GRIN2A: variants seen among roughly 807,000 people sequenced by gnomAD.
GRIN2A encodes the protein glutamate ionotropic receptor NMDA type subunit 2A.
In GRIN2A, 22 loss-of-function variants were observed where a neutral mutation model predicts 113.4. The ratio of observed to expected loss-of-function variants is 0.19; its 90% CI spans 0.14 to 0.28. GRIN2A has a LOEUF of 0.28. GRIN2A is among the 10% of genes least tolerant of loss of function. GRIN2A has a pLI of 1.00. For missense variants in GRIN2A, 1,502 were observed against 1,887.0 expected, an observed-to-expected ratio of 0.80 and a Z score of 3.78; for synonymous variants, 827 against 738.4, an observed-to-expected ratio of 1.12 and a Z score of -1.94.
chr16:10,046,598 T>TGTCC (rs2047263860), intron 2 of GRIN2A, among the ~76,000 whole-genome samples: 2 of 151,224 alleles, frequency 1.3e-5, no homozygotes, highest in African/African-American at 2.4e-5. Context: ...TAGGATGGTT[T>TGTCC]AAAGAGCCCT....
At chr16:10,127,654 C>A (rs71379071) in intron 2 of GRIN2A, among the ~76,000 whole-genome samples, 6 of 152,108 alleles carry the variant, frequency 3.9e-5, no homozygotes, top group Admixed American at 3.9e-4. Flanking sequence ...GTATCCCTAG[C>A]AACTAGCACA....
At chr16:10,098,108 G>T (rs2048327539) in intron 2 of GRIN2A, among the ~76,000 whole-genome samples, 1 of 151,868 alleles carries the variant, frequency 6.6e-6, no homozygotes, top group African/African-American at 2.4e-5. Context: ...AAAACAATTA[G>T]CAAACAAATT....
At chr16:10,056,030 C>CA (rs113124655) in intron 2 of GRIN2A, among the ~76,000 whole-genome samples, 3,653 of 152,282 alleles carry the variant, frequency 0.024, 160 homozygotes, top group African/African-American at 0.084. Flanking sequence ...TACACTCCCT[C>CA]ACCCACTAGA....
At chr16:10,093,293 C>G (rs1254941829) in intron 2 of GRIN2A, among the ~76,000 whole-genome samples, 1 of 152,154 alleles carries the variant, frequency 6.6e-6, no homozygotes, top group East Asian at 1.9e-4. Flanking sequence ...GTCATTTTAT[C>G]TTGCCTAGCT....
chr16:9,895,359 C>G (rs1169276189), intron 3 of GRIN2A, among the ~76,000 whole-genome samples: 1 of 152,180 alleles, frequency 6.6e-6, no homozygotes, highest in East Asian at 1.9e-4. Context: ...CCTGAAACAT[C>G]ATGATGTGTT....
chr16:10,053,727 A>G (rs554817388), intron 2 of GRIN2A, among the ~76,000 whole-genome samples: 13 of 152,380 alleles, frequency 8.5e-5, no homozygotes, highest in Admixed American at 4.6e-4. Flanking sequence ...AATGCAGTAA[A>G]AGAGCTGTAT....
chr16:10,161,769 C>T (rs943814605), intron 2 of GRIN2A, among the ~76,000 whole-genome samples: 21 of 152,182 alleles, frequency 1.4e-4, no homozygotes, highest in African/African-American at 5.1e-4. Context: ...GGACCTATCT[C>T]CTTGCCTTCT....
chr16:9,935,148 A>G (rs2044683513), intron 3 of GRIN2A, among the ~76,000 whole-genome samples: 1 of 152,132 alleles, frequency 6.6e-6, no homozygotes, highest in Admixed American at 6.6e-5. Flanking sequence ...TTTCCTGTAT[A>G]TGTTATATTT....
At chr16:10,036,831 T>A (rs981877182) in intron 2 of GRIN2A, among the ~76,000 whole-genome samples, 1 of 152,148 alleles carries the variant, frequency 6.6e-6, no homozygotes, top group East Asian at 1.9e-4. Context: ...TTCCCCTTTT[T>A]ATAAGGACAC....
At chr16:10,052,902 C>T (rs1404859107) in intron 2 of GRIN2A, among the ~76,000 whole-genome samples, 1 of 151,956 alleles carries the variant, frequency 6.6e-6, no homozygotes, top group Non-Finnish European at 1.5e-5. Context: ...ACAACAATTA[C>T]CCAGGCACAG....
chr16:9,955,210 C>A (rs2045276827), intron 2 of GRIN2A, among the ~76,000 whole-genome samples: 1 of 152,172 alleles, frequency 6.6e-6, no homozygotes, highest in Non-Finnish European at 1.5e-5. Flanking sequence ...CCTGTGGATA[C>A]CAATGGGATA....
chr16:9,864,531 T>C (rs1055977386), intron 4 of GRIN2A, among the ~76,000 whole-genome samples: 4 of 152,134 alleles, frequency 2.6e-5, no homozygotes, highest in Non-Finnish European at 5.9e-5. Context: ...AACTGCAGGC[T>C]AAGGAAGCAC....
chr16:9,963,392 C>A (rs55770335), intron 2 of GRIN2A, among the ~76,000 whole-genome samples: 12 of 151,994 alleles, frequency 7.9e-5, no homozygotes, highest in African/African-American at 2.9e-4. Flanking sequence ...TTTTAAGCCC[C>A]GCATGCATTA....
chr16:9,840,343 C>T (rs774248791), intron 7 of GRIN2A, among the ~76,000 whole-genome samples: 1 of 151,928 alleles, frequency 6.6e-6, no homozygotes, highest in East Asian at 1.9e-4. Flanking sequence ...CTTATTAAAC[C>T]GTCAGATCTC....
At chr16:9,964,986 T>C (rs1428432984) in intron 2 of GRIN2A, among the ~76,000 whole-genome samples, 1 of 152,172 alleles carries the variant, frequency 6.6e-6, no homozygotes, top group Non-Finnish European at 1.5e-5. Flanking sequence ...TTAAATGTGA[T>C]TCAAGAGTAT....
chr16:9,871,982 C>A (rs2043270494), intron 4 of GRIN2A, among the ~76,000 whole-genome samples: 1 of 152,170 alleles, frequency 6.6e-6, no homozygotes, highest in African/African-American at 2.4e-5. Flanking sequence ...CGGAAATTAA[C>A]TTGTTCTCTG....
intron 4 of GRIN2A, among the ~76,000 whole-genome samples, chr16:9,886,814 A>G (rs989539990): frequency 1.3e-5 from 2 of 152,172 alleles, no homozygotes; most frequent in Non-Finnish European, 2.9e-5. Flanking sequence ...TATTCATGTC[A>G]GGGGGTTAAA....
rs1026858872 is a variant in GRIN2A, at chr16:9,901,721, G to A, written c.1008-10621C>T. Among the ~76,000 whole-genome samples the A allele has an allele frequency of 3.3e-5, 5 of 152,148 alleles. No homozygotes were observed. In the South Asian group the frequency reaches 8.3e-4, roughly 25 times the overall value. ...CTGCCTCGGCCTCCCAAAGTGCTGG[G>A]ATTACAGGCATGAGCCACCACATCC... is the stretch of plus-strand genomic sequence containing the variant. On this transcript the variant is annotated intron_variant, in intron 3 of 12. Transcript: ENST00000330684.
rs527750645 is a variant in GRIN2A at position 10,163,597 on chromosome 16, C to G, written c.414+16401G>C. ...TGAATAGCCACATCTTCCAGGAACCCCAAGTGCCCCCTGCCACTCAGCCCC... is the reference window on the plus strand; with the variant it reads ...TGAATAGCCACATCTTCCAGGAACCGCAAGTGCCCCCTGCCACTCAGCCCC... On this transcript the variant is annotated intron_variant, in intron 2 of 12. Transcript: ENST00000330684. 2.6e-5 allele frequency among the ~76,000 whole-genome samples: 4 copies of G among 152,200 alleles called. No homozygotes were observed. The East Asian group carries it at 7.7e-4, about 29-fold the overall frequency.
Sources: gnomAD v4.1 joint callset for allele counts (sites outside exome capture counted in the v4.1 genomes callset) on GRCh38, gnomAD v4.1.1 for gene constraint, MANE v1.5 for transcripts, NCBI Gene and HGNC (gene_info 2026-07-23, HGNC 2026-07-21) for gene names.